TAGAP: variants seen among roughly 807,000 people sequenced by gnomAD.
TAGAP encodes the protein T cell activation RhoGTPase activating protein, also known as T-cell activation Rho GTPase-activating protein.
Under a neutral mutation model 36.0 loss-of-function variants are expected in TAGAP, and 16 were observed. The ratio of observed to expected loss-of-function variants is 0.44; its 90% CI spans 0.30 to 0.68. The LOEUF (loss-of-function observed/expected upper bound fraction) is 0.68. TAGAP is among the 30% of genes least tolerant of loss of function. TAGAP has a pLI of 0.09. For missense variants in TAGAP, 794 were observed against 921.5 expected, an observed-to-expected ratio of 0.86 and a Z score of 1.79; for synonymous variants, 372 against 377.4, an observed-to-expected ratio of 0.99 and a Z score of 0.17.
Position 159,037,694 on chromosome 6 carries a change from A to G in TAGAP, c.898+420T>C, listed in dbSNP as rs1410654719. ...GAGTAAAGGAGGGAGGAAGGAGAGA[A>G]AGAGAGGAGAGAATAAGAAAAGAGA... On this transcript the variant is annotated intron_variant, in intron 9 of 9. Transcript: ENST00000367066. The surrounding 1 kb of genome is among the most constrained non-coding windows in gnomAD (Gnocchi z 5.1). Among the ~76,000 whole-genome samples the G allele has an allele frequency of 6.6e-6, 1 of 152,206 alleles. No homozygotes were observed. The highest frequency in any genetic ancestry group is 1.5e-5 in the Non-Finnish European group (1 of 68,028).
intron 1 of TAGAP, among the ~76,000 whole-genome samples, chr6:159,044,475 G>A (rs1399553283): frequency 6.6e-6 from 1 of 152,138 alleles, no homozygotes; most frequent in African/African-American, 2.4e-5. Flanking sequence ...CACTCTAAAC[G>A]TTGTTACCAA....
chr6:159,043,464 G>T, intron 4 of TAGAP, 125 bp downstream of exon 4: 2 of 821,542 alleles, frequency 2.4e-6, no homozygotes, highest in Non-Finnish European at 4.1e-6. Context: ...TTAATGTTCT[G>T]CGGTCTTTAA....
In TAGAP at chr6:159,036,030, C is replaced by T. The variant is rs762848425; in HGVS notation, c.1993G>A (p.Glu665Lys). 1.2e-6 allele frequency: 2 copies of T among 1,611,550 alleles called. No individual in the cohort carries two copies. Among genetic ancestry groups the T allele is most frequent in the Non-Finnish European group, 1.7e-6 (2 of 1,177,892 alleles). ...ACAGTTCTGCTCTGTTTCCATCGCT[C>T]AGGCAGGGGAGAGAGTCCGTGGCCA... ...LPGHGLSPLP[E>K]RWKQSRTVHA... The change falls in exon 10 of 10, where the codon GAG becomes AAG. Residue 665 changes from glutamate to lysine, a missense_variant. Coordinates refer to ENST00000367066, the MANE Select transcript of TAGAP (RefSeq NM_054114.5). This position sits in a 1 kb window ranked among gnomAD's most constrained non-coding sequence, Gnocchi z 4.9.
rs1779465507 is a variant in TAGAP, at chr6:159,034,651, G to T, written c.*1176C>A. The T allele has an allele frequency of 6.6e-6, 1 of 152,154 alleles. No individual in the cohort carries two copies. Among genetic ancestry groups the T allele is most frequent in the African/African-American group, 2.4e-5 (1 of 41,436 alleles). The allele number at this position is 152,154 out of a possible 1,614,324, so 9.4% of individuals were successfully genotyped here. A position where few individuals can be genotyped will look rare whatever the true frequency, so the allele number is the denominator to read the frequency against. On this transcript the variant is annotated 3_prime_UTR_variant, in exon 10 of 10. Coordinates refer to ENST00000367066, the MANE Select transcript of TAGAP (RefSeq NM_054114.5). ...TAATTAAGCAAACTGAGCATCATAA[G>T]AATGAGGTGAGATGTAAAATTACTG...
In TAGAP at chr6:159,041,636, T is replaced by A; in HGVS notation, c.316-121A>T. 1 of 1,123,806 alleles carries A rather than the reference T, an allele frequency of 8.9e-7. No individual in the cohort carries two copies. Among genetic ancestry groups the A allele is most frequent in the Non-Finnish European group, 1.2e-6 (1 of 822,018 alleles). 69.6% of individuals were successfully genotyped at this position (1,123,806 alleles called of 1,614,324 possible). On this transcript the variant is annotated intron_variant, in intron 5 of 9. Transcript: ENST00000367066. The surrounding 1 kb of genome is among the most constrained non-coding windows in gnomAD (Gnocchi z 4.1). ...TCAGTCCAGTTGCTGTCAATGGCCT[T>A]CCTCAACCCTGCTATTTTTCTAAGA...
intron 7 of TAGAP, 142 bp from the exon 8 acceptor site, chr6:159,039,451 AG>A: frequency 1.1e-6 from 1 of 871,344 alleles, no homozygotes; most frequent in Admixed American, 2.4e-5. Context: ...ATGCTCATTC[AG>A]ACACTTCCAG....
intron 1 of TAGAP, 49 bp from the exon 2 acceptor site, chr6:159,044,253 C>T: frequency 8.6e-7 from 1 of 1,158,970 alleles, no homozygotes; most frequent in Admixed American, 2.8e-5. Flanking sequence ...ACACAGTAGG[C>T]CACTTTCAGC....
Position 159,041,478 on chromosome 6 carries a change from G to T in TAGAP, c.353C>A (p.Thr118Lys). The change falls in exon 6 of 10, where the codon ACG becomes AAG. Residue 118 changes from threonine (T) to lysine (K), a missense_variant. Physicochemically the swap from Thr to Lys is moderately conservative, Grantham distance 78. Transcript: ENST00000367066. This position sits in a 1 kb window ranked among gnomAD's most constrained non-coding sequence, Gnocchi z 4.1. The stretch of plus-strand genomic sequence containing the variant: ...GGCTGCTCTCCTGAATATCCCTTCC[G>T]TTGAAGGGCCTTTAAGGCATAGAAT... ...LTILCLKGPSTEGIFRRAANE... is the reference protein window; with the variant it reads ...LTILCLKGPSKEGIFRRAANE... The T allele has an allele frequency of 2.5e-6, 4 of 1,614,104 alleles. No individual in the cohort carries two copies. The highest frequency in any genetic ancestry group is 2.5e-6 in the Non-Finnish European group (3 of 1,180,020).
In TAGAP at chr6:159,035,516, C is replaced by T. The variant is rs545547041; in HGVS notation, c.*311G>A. Reference sequence around the variant, plus strand: ...TAAACACTAACCAAGAGAAAAGTGCCCCAGGAAGCAAGGAACAGCAGTGTA... The same window carrying T: ...TAAACACTAACCAAGAGAAAAGTGCTCCAGGAAGCAAGGAACAGCAGTGTA... On this transcript the variant is annotated 3_prime_UTR_variant, in exon 10 of 10. Coordinates refer to ENST00000367066, the MANE Select transcript of TAGAP (RefSeq NM_054114.5). 6.3e-5 allele frequency: 14 copies of T among 221,876 alleles called. No individual in the cohort carries two copies. The highest frequency in any genetic ancestry group is 1.2e-4 in the Non-Finnish European group (14 of 114,210). 13.7% of individuals were successfully genotyped at this position (221,876 alleles called of 1,614,324 possible).
rs1562584651 is a variant in TAGAP, at chr6:159,036,854, C to T, written c.1169G>A (p.Ser390Asn). ...TGTTAGTGTTTGGTTTGTCACCCGG[C>T]TCTCGAGGCACTCCTGGGAGGATGG... ...SMPSSQECLE[S>N]RVTNQTLTKS... The change falls in exon 10 of 10, where the codon AGC (serine) becomes AAC (asparagine). Residue 390 changes from serine (S) to asparagine (N), a missense_variant. Ser to Asn is a conservative substitution (Grantham distance 46). Transcript: ENST00000367066. The surrounding 1 kb of genome is among the most constrained non-coding windows in gnomAD (Gnocchi z 4.9). 2.5e-6 allele frequency: 4 copies of T among 1,614,248 alleles called. No homozygotes were observed. In the East Asian group the frequency reaches 6.7e-5, roughly 27 times the overall value.
chr6:159,034,514 A>T lies in TAGAP; in HGVS notation c.*1313T>A, dbSNP rs1779460396. The T allele has an allele frequency of 6.6e-6, 1 of 152,254 alleles. No individual in the cohort carries two copies. The highest frequency in any genetic ancestry group is 2.1e-4 in the South Asian group (1 of 4,836). 9.4% of individuals were successfully genotyped at this position (152,254 alleles called of 1,614,324 possible). ...ATGCATGATATTTTATTTTAAAAAG[A>T]TAAAATAAGGAAAATTGAAGTCCAG... On this transcript the variant is annotated 3_prime_UTR_variant, in exon 10 of 10. Transcript: ENST00000367066.
rs902567706 is a variant in TAGAP, at chr6:159,036,347, C to T, written c.1676G>A (p.Cys559Tyr). 16 of 1,613,920 alleles carry T rather than the reference C, an allele frequency of 9.9e-6. No homozygotes were observed. The highest frequency in any genetic ancestry group is 1.1e-5 in the Non-Finnish European group (13 of 1,179,976). ...GCGGGCTGTTTGGTTGTGGGTTTCA[C>T]ACCCATTTTCCTGCACGATTCGGCC... ...LAGRIVQENGCETHNQTARGF... is the reference protein window; with the variant it reads ...LAGRIVQENGYETHNQTARGF... The change falls in exon 10 of 10, where the codon TGT becomes TAT. Residue 559 changes from cysteine (C) to tyrosine (Y), a missense_variant. Cys to Tyr is a radical substitution (Grantham distance 194, BLOSUM62 -2). Transcript: ENST00000367066. The surrounding 1 kb of genome is among the most constrained non-coding windows in gnomAD (Gnocchi z 4.9).
rs1779485013 is a variant in TAGAP at position 159,035,114 on chromosome 6, CAA to C, written c.*711_*712del. ...TTATAGGATAGGATATCATGAACTACAAAGATACTCAAAGTGCTATAGATGAG... is the reference window on the plus strand; with the variant it reads ...TTATAGGATAGGATATCATGAACTACAGATACTCAAAGTGCTATAGATGAG... On this transcript the variant is annotated 3_prime_UTR_variant, in exon 10 of 10. Transcript: ENST00000367066. 6.6e-6 allele frequency: 1 copy of C among 152,300 alleles called. No homozygotes were observed. Among genetic ancestry groups the C allele is most frequent in the African/African-American group, 2.4e-5 (1 of 41,426 alleles). The allele number at this position is 152,300 out of a possible 1,614,324, so 9.4% of individuals were successfully genotyped here.
chr6:159,040,872 A>G lies in TAGAP; in HGVS notation c.478-40T>C, dbSNP rs377098853. ...TGGGCTGTTGGCCTATTGGTACTGT[A>G]TGATGTCCCATGTCCTTGTTTTCAC... On this transcript the variant is annotated intron_variant, in intron 6 of 9. Coordinates refer to ENST00000367066, the MANE Select transcript of TAGAP (RefSeq NM_054114.5). The G allele has an allele frequency of 3.1e-5, 45 of 1,467,946 alleles. 1 individual carries two copies. The highest frequency in any genetic ancestry group is 3.0e-4 in the South Asian group (26 of 87,908). The allele number at this position is 1,467,946 out of a possible 1,614,324, so 90.9% of individuals were successfully genotyped here. A position where few individuals can be genotyped will look rare whatever the true frequency, so the allele number is the denominator to read the frequency against.
At chr6:159,042,665 G>A (rs1200509232) in intron 4 of TAGAP, 2 of 160,224 alleles carry the variant, frequency 1.2e-5, no homozygotes, top group African/African-American at 4.8e-5. Flanking sequence ...CGAAGAAAAC[G>A]AAACTTAAAA....
Position 159,036,760 on chromosome 6 carries a change from T to G in TAGAP, c.1263A>C (p.Pro421=). The G allele has an allele frequency of 6.2e-7, 1 of 1,614,192 alleles. No individual in the cohort carries two copies. The highest frequency in any genetic ancestry group is 8.5e-7 in the Non-Finnish European group (1 of 1,180,020). The change falls in exon 10 of 10, where the codon CCA becomes CCC. Residue 421 remains proline, a synonymous_variant. Coordinates refer to ENST00000367066, the MANE Select transcript of TAGAP (RefSeq NM_054114.5). The surrounding 1 kb of genome is among the most constrained non-coding windows in gnomAD (Gnocchi z 4.9). ...CTGCAGGGAAGACCTCCTCTGGAAA[T>G]GGGTCTTCAGCCTCCTCACTTTCCA... ...SRLESEEAED[P]FPEEVFPAVQ... is the part of the protein sequence containing the mutation.
rs768150663 is a variant in TAGAP, at chr6:159,035,787, A to G, written c.*40T>C. ...GCAGTTCTTTACAAGTCTCATATTTACAGATAGCACAAGCTATGGCATGGC... is the reference window on the plus strand; with the variant it reads ...GCAGTTCTTTACAAGTCTCATATTTGCAGATAGCACAAGCTATGGCATGGC... On this transcript the variant is annotated 3_prime_UTR_variant, in exon 10 of 10. Transcript: ENST00000367066. 2.0e-6 allele frequency: 3 copies of G among 1,537,774 alleles called. No individual in the cohort carries two copies. Among genetic ancestry groups the G allele is most frequent in the Non-Finnish European group, 2.6e-6 (3 of 1,135,258 alleles).
intron 6 of TAGAP, 21 bp from the exon 7 acceptor site, chr6:159,040,853 G>A (rs565851805): frequency 1.3e-6 from 2 of 1,588,534 alleles, no homozygotes; most frequent in South Asian, 2.2e-5. Flanking sequence ...AGAGTGGGCT[G>A]TTGGCCTATT....
chr6:159,038,931 A>T, intron 8 of TAGAP, 183 bp downstream of exon 8: 2 of 1,438,352 alleles, frequency 1.4e-6, no homozygotes, highest in Non-Finnish European at 9.1e-7. Flanking sequence ...ACACGGATTT[A>T]TTCAGTTTCA....
Sources: allele counts gnomAD v4.1 joint callset (sites outside exome capture counted in the v4.1 genomes callset), GRCh38; gene constraint gnomAD v4.1.1; non-coding constraint Gnocchi (gnomAD v3.1); transcripts MANE v1.5; gene names NCBI Gene and HGNC (gene_info 2026-07-23, HGNC 2026-07-21).